POFUT2: variants seen among roughly 807,000 people sequenced by gnomAD.
The protein encoded by POFUT2 is GDP-fucose protein O-fucosyltransferase 2.
A neutral mutation model predicts 55.0 loss-of-function variants in POFUT2; 30 were observed. The ratio of observed to expected loss-of-function variants is 0.55; its 90% CI spans 0.41 to 0.74. The LOEUF (loss-of-function observed/expected upper bound fraction) is 0.74, where lower values mean the gene tolerates loss of function less well. Among genes scored for constraint, POFUT2 ranks in the 30% least tolerant of loss-of-function variants. The pLI is 0.00. For synonymous variants in POFUT2, 267 were observed against 231.1 expected (o/e 1.16, Z -1.41); for missense variants, 524 against 562.6 (o/e 0.93, Z 0.69).
chr21:45,282,662 C>A lies in POFUT2; in HGVS notation c.528-203G>T. 1.7e-6 allele frequency: 1 copy of A among 595,432 alleles called. No homozygotes were observed. The highest frequency in any genetic ancestry group is 1.9e-5 in the African/African-American group (1 of 53,648). The allele number at this position is 595,432 out of a possible 1,614,324, so 36.9% of individuals were successfully genotyped here. On this transcript the variant is annotated intron_variant, in intron 3 of 8. Coordinates refer to ENST00000349485, the MANE Select transcript of POFUT2 (RefSeq NM_133635.6). This position sits in a 1 kb window ranked among gnomAD's most constrained non-coding sequence, Gnocchi z 4.6. ...ATGAGTGTCTCTCAGGCTGATGGAC[C>A]ACTGAGGCTTTCCCCATGATAGGGG...
rs2031181407 is a variant in POFUT2 at position 45,284,702 on chromosome 21, C to A, written c.382+976G>T. Among the ~76,000 whole-genome samples, 1 of 152,190 alleles carries A rather than the reference C, an allele frequency of 6.6e-6. No homozygotes were observed. The highest frequency in any genetic ancestry group is 1.5e-5 in the Non-Finnish European group (1 of 68,034). Reference sequence around the variant, plus strand: ...ATAGCATCTCTGGGTTCCTATAACCCAATGTTCAGACCGAGGGCTGGCTGC... The same window carrying A: ...ATAGCATCTCTGGGTTCCTATAACCAAATGTTCAGACCGAGGGCTGGCTGC... On this transcript the variant is annotated intron_variant, in intron 2 of 8. Transcript: ENST00000349485. The surrounding 1 kb of genome is among the most constrained non-coding windows in gnomAD (Gnocchi z 5.8).
intron 4 of POFUT2, among the ~76,000 whole-genome samples, chr21:45,280,281 A>C (rs1262218018): frequency 6.6e-6 from 1 of 151,724 alleles, no homozygotes; most frequent in Admixed American, 6.6e-5. Flanking sequence ...ACATGACTAC[A>C]TTTATCTTTT....
Position 45,269,841 on chromosome 21 carries a change from T to C in POFUT2, c.1010A>G (p.Lys337Arg), listed in dbSNP as rs1217149620. ...ACGAAAGCATTGAAGCTCCATACCC[T>C]TTCTGACGGCATCTGTGGCCACAAA... is the stretch of plus-strand genomic sequence containing the variant. ...KVFVATDAVRKEYEELKKLLP... is the reference protein window; with the variant it reads ...KVFVATDAVRREYEELKKLLP... The change falls in exon 7 of 9, where the codon AAG (lysine) becomes AGG (arginine). Residue 337 changes from lysine (K) to arginine (R), a missense_variant and splice_region_variant. By Grantham distance (26) the Lys-to-Arg change is conservative (BLOSUM62 2). Coordinates refer to ENST00000349485, the MANE Select transcript of POFUT2 (RefSeq NM_133635.6). 1.2e-6 allele frequency: 2 copies of C among 1,601,386 alleles called. No homozygotes were observed. Among genetic ancestry groups the C allele is most frequent in the Non-Finnish European group, 1.7e-6 (2 of 1,176,832 alleles).
chr21:45,267,172 G>C lies in POFUT2; in HGVS notation c.1136+418C>G. ...GGCAGCCCCACGAGAATGATCACAC[G>C]AGGGCCCACGCTCCCGGCCTCGGGG... is the stretch of plus-strand genomic sequence containing the variant. On this transcript the variant is annotated intron_variant, in intron 8 of 8. Coordinates refer to ENST00000349485, the MANE Select transcript of POFUT2 (RefSeq NM_133635.6). This position sits in a 1 kb window ranked among gnomAD's most constrained non-coding sequence, Gnocchi z 4.4. 1.5e-6 allele frequency: 2 copies of C among 1,309,340 alleles called. No homozygotes were observed. Among genetic ancestry groups the C allele is most frequent in the Non-Finnish European group, 2.0e-6 (2 of 1,023,376 alleles). 81.1% of individuals were successfully genotyped at this position (1,309,340 alleles called of 1,614,324 possible).
rs893722879 is a variant in POFUT2, at chr21:45,282,764, A to G, written c.528-305T>C. The G allele has an allele frequency of 3.8e-6, 2 of 524,802 alleles. No individual in the cohort carries two copies. Among genetic ancestry groups the G allele is most frequent in the East Asian group, 1.0e-4 (2 of 19,264 alleles). 32.5% of individuals were successfully genotyped at this position (524,802 alleles called of 1,614,324 possible). A position where few individuals can be genotyped will look rare whatever the true frequency, so the allele number is the denominator to read the frequency against. On this transcript the variant is annotated intron_variant, in intron 3 of 8. Coordinates refer to ENST00000349485, the MANE Select transcript of POFUT2 (RefSeq NM_133635.6). This position sits in a 1 kb window ranked among gnomAD's most constrained non-coding sequence, Gnocchi z 4.6. ...CACCTTCAGGGCCAGCCTGGCTGTG[A>G]CCGTCAGCCAAGTCAACCGCGCCCT...
In POFUT2 at chr21:45,285,868, G is replaced by C. The variant is rs370258520; in HGVS notation, c.192C>G (p.Ile64Met). Residue 64 changes from isoleucine to methionine, a missense_variant, in exon 2 of 9, where the codon ATC becomes ATG. Around this residue, in one of 2 missense-constraint regions of POFUT2, gnomAD observed 274 missense variants for 244.4 expected, o/e 1.12. Coordinates refer to ENST00000349485, the MANE Select transcript of POFUT2 (RefSeq NM_133635.6). The surrounding 1 kb of genome is among the most constrained non-coding windows in gnomAD (Gnocchi z 4.9). ...GAGTCTTCAGGAGAGAGGCGATTCG[G>C]ATATAGACATCCCTGCGCAGGTTGA... ...EGFNLRRDVY[I>M]RIASLLKTLL... is the part of the protein sequence containing the mutation. The C allele has an allele frequency of 3.3e-5, 53 of 1,612,902 alleles. No individual in the cohort carries two copies. The highest frequency in any genetic ancestry group is 4.2e-5 in the Non-Finnish European group (50 of 1,179,832).
chr21:45,282,296 C>T lies in POFUT2; in HGVS notation c.638+53G>A, dbSNP rs543313767. Reference sequence around the variant, plus strand: ...CGGAGAGCCCCCAGCCCAGCATGCACGGAGCAGACGCCACAGCCTCCAGGC... The same window carrying T: ...CGGAGAGCCCCCAGCCCAGCATGCATGGAGCAGACGCCACAGCCTCCAGGC... On this transcript the variant is annotated intron_variant, in intron 4 of 8. Transcript: ENST00000349485. The surrounding 1 kb of genome is among the most constrained non-coding windows in gnomAD (Gnocchi z 4.6). The T allele has an allele frequency of 1.5e-4, 171 of 1,156,010 alleles. 1 individual carries two copies. The African/African-American group carries it at 2.0e-3, about 13-fold the overall frequency. The allele number at this position is 1,156,010 out of a possible 1,614,324, so 71.6% of individuals were successfully genotyped here.
chr21:45,273,198 G>A (rs1224097722), intron 6 of POFUT2, among the ~76,000 whole-genome samples: 1 of 152,074 alleles, frequency 6.6e-6, no homozygotes, highest in African/African-American at 2.4e-5. Context: ...GAAACAAAAC[G>A]GGAGATATTA....
intron 1 of POFUT2, among the ~76,000 whole-genome samples, chr21:45,286,307 G>A (rs985041534): frequency 2.0e-5 from 3 of 152,144 alleles, no homozygotes; most frequent in Admixed American, 1.3e-4. Flanking sequence ...TATGTTAGAC[G>A]TTAAAGCTAC....
intron 7 of POFUT2, among the ~76,000 whole-genome samples, chr21:45,268,589 C>T (rs1363072356): frequency 1.3e-5 from 2 of 151,748 alleles, no homozygotes; most frequent in African/African-American, 2.4e-5. Context: ...AGCGTCTCTG[C>T]CCAGCCGCCC....
intron 4 of POFUT2, among the ~76,000 whole-genome samples, chr21:45,279,726 A>G (rs901265608): frequency 6.6e-6 from 1 of 152,156 alleles, no homozygotes; most frequent in Non-Finnish European, 1.5e-5. Context: ...GGTTCACACA[A>G]AGACTCTTCT....
Position 45,267,779 on chromosome 21 carries a change from T to G in POFUT2, c.1013-66A>C, listed in dbSNP as rs1426312851. 2.8e-6 allele frequency: 4 copies of G among 1,423,294 alleles called. No individual in the cohort carries two copies. The South Asian group carries it at 3.6e-5, about 13-fold the overall frequency. 88.2% of individuals were successfully genotyped at this position (1,423,294 alleles called of 1,614,324 possible). On this transcript the variant is annotated intron_variant, in intron 7 of 8. Transcript: ENST00000349485. This position sits in a 1 kb window ranked among gnomAD's most constrained non-coding sequence, Gnocchi z 4.4. ...CAGTAAGGACAGATACGTGACTCTT[T>G]AGCAGACAGACATGCGTACTTGGCT...
chr21:45,270,103 G>A lies in POFUT2; in HGVS notation c.832-84C>T. On this transcript the variant is annotated intron_variant, in intron 6 of 8. Transcript: ENST00000349485. This position sits in a 1 kb window ranked among gnomAD's most constrained non-coding sequence, Gnocchi z 4.6. ...GGCACCGGGTGGGACTCGAGACGCA[G>A]AGGGATGACCCTTTCCATGTGGCCT... 1.7e-6 allele frequency: 2 copies of A among 1,143,972 alleles called. No homozygotes were observed. Among genetic ancestry groups the A allele is most frequent in the Non-Finnish European group, 2.4e-6 (2 of 841,012 alleles). 70.9% of individuals were successfully genotyped at this position (1,143,972 alleles called of 1,614,324 possible). A position where few individuals can be genotyped will look rare whatever the true frequency, so the allele number is the denominator to read the frequency against.
chr21:45,267,477 AATGACC>A lies in POFUT2; in HGVS notation c.1136+107_1136+112del, dbSNP rs1569215661. 3 of 1,614,164 alleles carry A rather than the reference AATGACC, an allele frequency of 1.9e-6. No individual in the cohort carries two copies. In the Admixed American group the frequency reaches 5.0e-5, roughly 27 times the overall value. ...CAGACGAGGAGGCAAACAGTATGGA[AATGACC>A]ACTGTGAACACAGGCGACCATCTGC... On this transcript the variant is annotated intron_variant, in intron 8 of 8. Coordinates refer to ENST00000349485, the MANE Select transcript of POFUT2 (RefSeq NM_133635.6). The surrounding 1 kb of genome is among the most constrained non-coding windows in gnomAD (Gnocchi z 4.4).
rs537779582 is a variant in POFUT2, at chr21:45,277,857, C to T, written c.705+246G>A. On this transcript the variant is annotated intron_variant, in intron 5 of 8. Coordinates refer to ENST00000349485, the MANE Select transcript of POFUT2 (RefSeq NM_133635.6). The surrounding 1 kb of genome is among the most constrained non-coding windows in gnomAD (Gnocchi z 6.9). ...GGGGCTGACTCCAGGGCGCTGCCAC[C>T]GCATTCAGGGCCTGTGGCATCAGAG... 15 of 568,626 alleles carry T rather than the reference C, an allele frequency of 2.6e-5. No individual in the cohort carries two copies. Among genetic ancestry groups the T allele is most frequent in the Admixed American group, 2.5e-4 (8 of 32,356 alleles). The allele number at this position is 568,626 out of a possible 1,614,324, so 35.2% of individuals were successfully genotyped here. A position where few individuals can be genotyped will look rare whatever the true frequency, so the allele number is the denominator to read the frequency against.
rs2030007626 is a variant in POFUT2 at position 45,277,967 on chromosome 21, G to GC, written c.705+135dup. ...TGGGGGTGGCACAGTCACCGCAGTT[G>GC]CCCAAATCCATGGCTTAAAATGATG... On this transcript the variant is annotated intron_variant, in intron 5 of 8. Transcript: ENST00000349485. This position sits in a 1 kb window ranked among gnomAD's most constrained non-coding sequence, Gnocchi z 6.9. 16 of 817,016 alleles carry GC rather than the reference G, an allele frequency of 2.0e-5. No homozygotes were observed. In the South Asian group the frequency reaches 2.4e-4, roughly 12 times the overall value. The allele number at this position is 817,016 out of a possible 1,614,324, so 50.6% of individuals were successfully genotyped here. A position where few individuals can be genotyped will look rare whatever the true frequency, so the allele number is the denominator to read the frequency against.
In POFUT2 at chr21:45,265,307, C is replaced by T. The variant is rs2093143218; in HGVS notation, c.*175G>A. 4.3e-6 allele frequency: 2 copies of T among 467,042 alleles called. No homozygotes were observed. Among genetic ancestry groups the T allele is most frequent in the African/African-American group, 2.0e-5 (1 of 49,866 alleles). The allele number at this position is 467,042 out of a possible 1,614,324, so 28.9% of individuals were successfully genotyped here. On this transcript the variant is annotated 3_prime_UTR_variant, in exon 9 of 9. Coordinates refer to ENST00000349485, the MANE Select transcript of POFUT2 (RefSeq NM_133635.6). This position sits in a 1 kb window ranked among gnomAD's most constrained non-coding sequence, Gnocchi z 4.6. ...CTTCATCAGCCATGGCGGCTGGCAA[C>T]GCCGAGGACGGAGCCCAGCTCTAGA...
At chr21:45,272,885 G>A (rs2093230911) in intron 6 of POFUT2, among the ~76,000 whole-genome samples, 1 of 151,808 alleles carries the variant, frequency 6.6e-6, no homozygotes, top group Non-Finnish European at 1.5e-5. Flanking sequence ...AAAACCCCTG[G>A]GACACAGCAA....
In POFUT2 at chr21:45,287,063, C is replaced by A. The variant is rs987775585; in HGVS notation, c.131+678G>T. On this transcript the variant is annotated intron_variant, in intron 1 of 8. Transcript: ENST00000349485. ...CCCTTCCTGGGCTCCCGAGGCTGCG[C>A]CCCGGGCCTCGCAGACGACCCCGCC... Among the ~76,000 whole-genome samples the A allele has an allele frequency of 7.8e-4, 118 of 152,154 alleles. 2 individuals are homozygous for A. Among genetic ancestry groups the A allele is most frequent in the Admixed American group, 5.9e-3 (91 of 15,300 alleles).
Sources: allele counts gnomAD v4.1 joint callset (sites outside exome capture counted in the v4.1 genomes callset), GRCh38; gene constraint gnomAD v4.1.1; regional missense constraint gnomAD v4.1.1; non-coding constraint Gnocchi (gnomAD v3.1); transcripts MANE v1.5; gene names NCBI Gene and HGNC (gene_info 2026-07-23, HGNC 2026-07-21).